DAB1: variants seen among roughly 807,000 people sequenced by gnomAD.
DAB1 encodes the protein disabled homolog 1.
In DAB1, 15 loss-of-function variants were observed where a neutral mutation model predicts 64.6. The ratio of observed to expected loss-of-function variants is 0.23; its 90% CI spans 0.16 to 0.36. The LOEUF (loss-of-function observed/expected upper bound fraction) is 0.36. Among genes scored for constraint, DAB1 ranks in the 10% least tolerant of loss-of-function variants. DAB1 has a pLI of 1.00. For synonymous variants in DAB1, 235 were observed against 251.9 expected (o/e 0.93, Z 0.64); for missense variants, 596 against 706.7 (o/e 0.84, Z 1.78).
chr1:57,301,301 G>A (rs1310776555), intron 1 of DAB1, among the ~76,000 whole-genome samples: 1 of 152,124 alleles, frequency 6.6e-6, no homozygotes, highest in Non-Finnish European at 1.5e-5. Flanking sequence ...CTGACCTCAG[G>A]TGCTCATCAC....
rs530144796 is a variant in DAB1, at chr1:57,090,387, C to T, written c.307-17973G>A. Among the ~76,000 whole-genome samples, 12 of 152,184 alleles carry T rather than the reference C, an allele frequency of 7.9e-5. No individual in the cohort carries two copies. The South Asian group carries it at 1.0e-3, about 13-fold the overall frequency. ...TTCTCCCCACTTCAGGAAATTAATC[C>T]GCAAAAGTAGGCATCTAGCAATTTC... On this transcript the variant is annotated intron_variant, in intron 4 of 14. Coordinates refer to ENST00000371236, the MANE Select transcript of DAB1 (RefSeq NM_001365792.1).
intron 3 of DAB1, among the ~76,000 whole-genome samples, chr1:58,434,529 A>T (rs1387489728): frequency 6.6e-6 from 1 of 152,184 alleles, no homozygotes; most frequent in Non-Finnish European, 1.5e-5. Context: ...AGGAAAATGG[A>T]GGATTCCTTT....
chr1:57,495,012 G>A (rs995496458), intron 7 of DAB1, among the ~76,000 whole-genome samples: 2 of 152,126 alleles, frequency 1.3e-5, no homozygotes, highest in African/African-American at 2.4e-5. Context: ...CAACAGCCTG[G>A]AACACTGAGC....
At chr1:58,130,242 G>A (rs1185322228) in intron 5 of DAB1, among the ~76,000 whole-genome samples, 15 of 139,022 alleles carry the variant, frequency 1.1e-4, no homozygotes, top group South Asian at 2.5e-4. Flanking sequence ...GATCTTTGTT[G>A]GTTTAAAGTC....
intron 7 of DAB1, among the ~76,000 whole-genome samples, chr1:57,619,653 T>C (rs1645832708): frequency 6.6e-6 from 1 of 152,162 alleles, no homozygotes; most frequent in South Asian, 2.1e-4. Context: ...TCTCCCCGCT[T>C]GGCCTCCCAC....
At chr1:57,310,743 T>C (rs1280640209) in intron 1 of DAB1, among the ~76,000 whole-genome samples, 1 of 152,210 alleles carries the variant, frequency 6.6e-6, no homozygotes, top group Non-Finnish European at 1.5e-5. Flanking sequence ...GCTACTGTCA[T>C]TTCTCTGCAG....
At chr1:57,053,688 AT>A (rs61374333) in intron 9 of DAB1, among the ~76,000 whole-genome samples, 9,905 of 71,076 alleles carry the variant, frequency 0.14, 336 homozygotes, top group Non-Finnish European at 0.15. Flanking sequence ...ATATATATAT[AT>A]TTTTTTTTTT....
intron 2 of DAB1, among the ~76,000 whole-genome samples, chr1:57,229,716 T>C (rs1051735929): frequency 1.3e-5 from 2 of 152,226 alleles, no homozygotes; most frequent in Admixed American, 6.5e-5. Flanking sequence ...TGGCCATCTG[T>C]AGGACTATAT....
intron 5 of DAB1, among the ~76,000 whole-genome samples, chr1:57,911,270 G>A (rs138838728): frequency 3.9e-4 from 60 of 152,286 alleles, no homozygotes; most frequent in African/African-American, 1.4e-3. Context: ...CCATCTGCCT[G>A]TTTATTCTCA....
chr1:58,198,700 G>GTCCT (rs1234194789), intron 4 of DAB1, among the ~76,000 whole-genome samples: 96 of 152,226 alleles, frequency 6.3e-4, no homozygotes, highest in African/African-American at 2.2e-3. Flanking sequence ...CTTGGCTATA[G>GTCCT]TGATTGGTTC....
intron 1 of DAB1, among the ~76,000 whole-genome samples, chr1:57,339,454 C>T (rs1251483899): frequency 6.6e-6 from 1 of 152,206 alleles, no homozygotes; most frequent in East Asian, 1.9e-4. Flanking sequence ...TGTGCCTGGC[C>T]GGCTTCTTTC....
At chr1:57,454,525 G>A (rs1440282102) in intron 7 of DAB1, among the ~76,000 whole-genome samples, 1 of 151,940 alleles carries the variant, frequency 6.6e-6, no homozygotes, top group African/African-American at 2.4e-5. Context: ...GTGGGAGGAG[G>A]GACAGGATCA....
At chr1:57,606,237 T>A (rs1645635321) in intron 7 of DAB1, 3 of 191,490 alleles carry the variant, frequency 1.6e-5, no homozygotes, top group Admixed American at 6.2e-5. Context: ...ATCAACTTGT[T>A]CCTCAGTGAG....
At chr1:57,416,204 G>T (rs1001942323) in intron 1 of DAB1, among the ~76,000 whole-genome samples, 1 of 152,168 alleles carries the variant, frequency 6.6e-6, no homozygotes, top group African/African-American at 2.4e-5. Context: ...AATAAGAGAA[G>T]AAAATGTCAC....
intron 2 of DAB1, among the ~76,000 whole-genome samples, chr1:57,167,616 C>T (rs1661326026): frequency 6.6e-6 from 1 of 152,156 alleles, no homozygotes. Context: ...CCTTCTAATG[C>T]TCACATCTGA....
At chr1:57,863,951 T>C in intron 1 of DAB1, among the ~76,000 whole-genome samples, 1 of 152,180 alleles carries the variant, frequency 6.6e-6, no homozygotes, top group East Asian at 1.9e-4. Flanking sequence ...ATGCCAGAGA[T>C]ACAGCTCTGA....
rs574711911 is a variant in DAB1 at position 57,437,383 on chromosome 1, T to C, written n.626-146217A>G. 1.5e-3 allele frequency among the ~76,000 whole-genome samples: 225 copies of C among 152,268 alleles called. 1 individual carries two copies. The highest frequency in any genetic ancestry group is 2.5e-3 in the Non-Finnish European group (167 of 68,020). On this transcript the variant is annotated intron_variant and non_coding_transcript_variant, in intron 7 of 20. Coordinates refer to the DAB1 transcript ENST00000485760. ...TCACCACTCTTCCCTTGAAACACAG[T>C]GATGCAAATCACACTTTATAAAATA... is the stretch of plus-strand genomic sequence containing the variant.
chr1:57,274,780 C>T (rs941950842), intron 2 of DAB1, among the ~76,000 whole-genome samples: 3 of 152,080 alleles, frequency 2.0e-5, no homozygotes, highest in Non-Finnish European at 4.4e-5. Context: ...TGGGGTCTCA[C>T]CATGTTGGCC....
intron 2 of DAB1, among the ~76,000 whole-genome samples, chr1:57,150,918 G>T (rs558882425): frequency 6.6e-6 from 1 of 152,242 alleles, no homozygotes; most frequent in Non-Finnish European, 1.5e-5. Context: ...CACTTTGAGA[G>T]GCCAAGGAGG....
Sources: allele counts gnomAD v4.1 joint callset (sites outside exome capture counted in the v4.1 genomes callset), GRCh38; gene constraint gnomAD v4.1.1; transcripts MANE v1.5; gene names NCBI Gene and HGNC (gene_info 2026-07-23, HGNC 2026-07-21).